Variants in ATP5IF1 observed in about 807,000 individuals in gnomAD.
ATP5IF1 encodes ATPase inhibitor, mitochondrial.
A neutral mutation model predicts 8.5 loss-of-function variants in ATP5IF1; 12 were observed. The ratio of observed to expected loss-of-function variants is 1.41; its 90% confidence interval spans 0.90 to 2.28. ATP5IF1 has a LOEUF of 2.28. ATP5IF1 is among the 30% of genes most tolerant of loss of function. ATP5IF1 has a pLI of 0.00. For missense variants in ATP5IF1, 154 were observed against 140.2 expected (o/e 1.10, Z -0.50); for synonymous variants, 51 against 53.4 (o/e 0.96, Z 0.19).
Position 28,236,164 on chromosome 1 carries a change from G to T in ATP5IF1, c.-20G>T. ...ACTGCTTGCTGCGGCAGAGACGCCAGAGGTGCAGCTCCAGCAGCAATGGCA... is the reference window on the plus strand; with the variant it reads ...ACTGCTTGCTGCGGCAGAGACGCCATAGGTGCAGCTCCAGCAGCAATGGCA... On this transcript the variant is annotated 5_prime_UTR_variant, in exon 1 of 3. Transcript: ENST00000335514. 6.2e-7 allele frequency: 1 copy of T among 1,611,220 alleles called. No homozygotes were observed. The highest frequency in any genetic ancestry group is 8.5e-7 in the Non-Finnish European group (1 of 1,179,856).
At chr1:28,237,500 T>C in intron 2 of ATP5IF1, 1 of 1,353,562 alleles carries the variant, frequency 7.4e-7, no homozygotes, top group Non-Finnish European at 9.5e-7. Flanking sequence ...CCTTTGTCTG[T>C]CTTCCTCATT....
intron 2 of ATP5IF1, 199 bp from the exon 3 acceptor site, chr1:28,237,638 T>G: frequency 6.7e-7 from 1 of 1,498,072 alleles, no homozygotes; most frequent in Admixed American, 2.5e-5. Flanking sequence ...AGCAATAAGC[T>G]CTTTGGTCTT....
Position 28,238,078 on chromosome 1 carries a change from T to C in ATP5IF1, c.*100T>C. 1 of 1,219,280 alleles carries C rather than the reference T, an allele frequency of 8.2e-7. No individual in the cohort carries two copies. Among genetic ancestry groups the C allele is most frequent in the Non-Finnish European group, 1.1e-6 (1 of 881,374 alleles). 75.5% of individuals were successfully genotyped at this position (1,219,280 alleles called of 1,614,324 possible). Reference sequence around the variant, plus strand: ...ATTTGTCTGTGTGCTACTAACAGATTATAATAAATTGTCATCAGTGAACTG... The same window carrying C: ...ATTTGTCTGTGTGCTACTAACAGATCATAATAAATTGTCATCAGTGAACTG... On this transcript the variant is annotated 3_prime_UTR_variant, in exon 3 of 3. Transcript: ENST00000335514.
chr1:28,236,159 C>T lies in ATP5IF1; in HGVS notation c.-25C>T, dbSNP rs763848402. ...GAGAGACTGCTTGCTGCGGCAGAGA[C>T]GCCAGAGGTGCAGCTCCAGCAGCAA... On this transcript the variant is annotated 5_prime_UTR_variant, in exon 1 of 3. The change creates a new upstream start codon in the 5' untranslated region. Transcript: ENST00000335514. The T allele has an allele frequency of 4.3e-6, 7 of 1,610,164 alleles. No individual in the cohort carries two copies. The highest frequency in any genetic ancestry group is 2.2e-5 in the East Asian group (1 of 44,882).
chr1:28,236,496 GGCCT>G, intron 2 of ATP5IF1, 44 bp downstream of exon 2: 1 of 1,613,626 alleles, frequency 6.2e-7, no homozygotes, highest in South Asian at 1.1e-5. Flanking sequence ...ATCTCCCAAT[GGCCT>G]TCCAATCCTT....
chr1:28,236,392 T>C lies in ATP5IF1; in HGVS notation c.119T>C (p.Ile40Thr), dbSNP rs773823533. The change falls in exon 2 of 3, where the codon ATC (isoleucine) becomes ACC (threonine). Residue 40 changes from isoleucine (I) to threonine (T), a missense_variant. Ile to Thr is a moderately conservative substitution (Grantham distance 89, BLOSUM62 -1). Coordinates refer to ENST00000335514, the MANE Select transcript of ATP5IF1 (RefSeq NM_016311.5). ...AATGTCGACCGGGGCGCGGGCTCCA[T>C]CCGGGAAGCCGGTGGGGCCTTCGGA... ...SENVDRGAGSIREAGGAFGKR... is the reference protein window; with the variant it reads ...SENVDRGAGSTREAGGAFGKR... 2 of 1,614,188 alleles carry C rather than the reference T, an allele frequency of 1.2e-6. No homozygotes were observed. The highest frequency in any genetic ancestry group is 1.7e-6 in the Non-Finnish European group (2 of 1,180,030).
At chr1:28,237,153 A>G in intron 2 of ATP5IF1, 2 of 992,262 alleles carry the variant, frequency 2.0e-6, no homozygotes, top group African/African-American at 1.7e-5. Context: ...GCAGTGAGGA[A>G]TTAATCTTGC....
rs1031483726 is a variant in ATP5IF1, at chr1:28,236,172, G to A, written c.-12G>A. ...CTGCGGCAGAGACGCCAGAGGTGCA[G>A]CTCCAGCAGCAATGGCAGTGACGGC... On this transcript the variant is annotated 5_prime_UTR_variant, in exon 1 of 3. Transcript: ENST00000335514. 6.2e-7 allele frequency: 1 copy of A among 1,612,014 alleles called. No homozygotes were observed. The highest frequency in any genetic ancestry group is 8.5e-7 in the Non-Finnish European group (1 of 1,179,924).
intron 1 of ATP5IF1, 27 bp from the exon 2 acceptor site, chr1:28,236,334 T>C (rs1205327064): frequency 6.2e-7 from 1 of 1,614,152 alleles, no homozygotes. Context: ...CTTCCGTACC[T>C]TTACCAGTGT....
chr1:28,237,682 T>A, intron 2 of ATP5IF1, 155 bp from the exon 3 acceptor site: 1 of 1,581,816 alleles, frequency 6.3e-7, no homozygotes, highest in Non-Finnish European at 8.6e-7. Flanking sequence ...TAAGATGGGG[T>A]ATTCTTTCAC....
In ATP5IF1 at chr1:28,237,489, C is replaced by G. The variant is rs541425565; in HGVS notation, c.180-348C>G. ...ATGGATATTTGCCTTTTAGCTACACCCCTTTGTCTGTCTTCCTCATTTTGT... is the reference window on the plus strand; with the variant it reads ...ATGGATATTTGCCTTTTAGCTACACGCCTTTGTCTGTCTTCCTCATTTTGT... On this transcript the variant is annotated intron_variant, in intron 2 of 2. Coordinates refer to ENST00000335514, the MANE Select transcript of ATP5IF1 (RefSeq NM_016311.5). The G allele has an allele frequency of 6.7e-5, 89 of 1,325,708 alleles. No individual in the cohort carries two copies. In the African/African-American group the frequency reaches 1.1e-3, roughly 17 times the overall value. The allele number at this position is 1,325,708 out of a possible 1,614,324, so 82.1% of individuals were successfully genotyped here.
chr1:28,237,835 A>G lies in ATP5IF1; in HGVS notation c.180-2A>G. ...AAACCCTGAGCCACCGTGTCCTTGT[A>G]GAGCACAGAGTAGAGAACAACTGGC... is the stretch of plus-strand genomic sequence containing the variant. On this transcript the variant is annotated splice_acceptor_variant, in intron 2 of 2. Coordinates refer to ENST00000335514, the MANE Select transcript of ATP5IF1 (RefSeq NM_016311.5). LOFTEE classifies it high-confidence loss of function. The G allele has an allele frequency of 6.2e-7, 1 of 1,614,206 alleles. No individual in the cohort carries two copies. Among genetic ancestry groups the G allele is most frequent in the Non-Finnish European group, 8.5e-7 (1 of 1,180,048 alleles).
rs776903465 is a variant in ATP5IF1, at chr1:28,237,963, A to G, written c.306A>G (p.Leu102=). The change falls in exon 3 of 3, where the codon CTA becomes CTG. Residue 102 remains leucine, a synonymous_variant. Transcript: ENST00000335514. ...GCCATAAGCAGAAGATCAAAATGCT[A>G]AAACATGATGATTAAGTGCACACCG... is the stretch of plus-strand genomic sequence containing the variant. ...IERHKQKIKM[L]KHDD is the part of the protein sequence containing the mutation. The G allele has an allele frequency of 6.2e-7, 1 of 1,611,722 alleles. No individual in the cohort carries two copies. The highest frequency in any genetic ancestry group is 8.5e-7 in the Non-Finnish European group (1 of 1,179,934).
In ATP5IF1 at chr1:28,236,349, GTC is replaced by G. The variant is rs1186795474; in HGVS notation, c.88-6_88-5del. The stretch of plus-strand genomic sequence containing the variant: ...CTTCCGTACCTTTACCAGTGTCCCT[GTC>G]TCTCTGCAGTCCGAGAATGTCGACC... On this transcript the variant is annotated splice_polypyrimidine_tract_variant and intron_variant, in intron 1 of 2. Coordinates refer to ENST00000335514, the MANE Select transcript of ATP5IF1 (RefSeq NM_016311.5). The G allele has an allele frequency of 7.4e-6, 12 of 1,614,234 alleles. No homozygotes were observed. The highest frequency in any genetic ancestry group is 1.0e-5 in the Non-Finnish European group (12 of 1,180,038).
intron 2 of ATP5IF1, chr1:28,236,697 A>G (rs1647039952): frequency 1.4e-6 from 2 of 1,422,590 alleles, no homozygotes; most frequent in African/African-American, 2.9e-5. Context: ...CGGGTCTCCA[A>G]AACAACCCAC....
Position 28,237,925 on chromosome 1 carries a change from A to T in ATP5IF1, c.268A>T (p.Lys90Ter), listed in dbSNP as rs983352469. 1.2e-6 allele frequency: 2 copies of T among 1,613,964 alleles called. No individual in the cohort carries two copies. The highest frequency in any genetic ancestry group is 3.3e-5 in the Admixed American group (2 of 60,020). ...TAAGAAGGAGATTGAGCGTCTGCAGAAAGAAATTGAGCGCCATAAGCAGAA... is the reference window on the plus strand; with the variant it reads ...TAAGAAGGAGATTGAGCGTCTGCAGTAAGAAATTGAGCGCCATAAGCAGAA... ...HHKKEIERLQ[K>*]EIERHKQKIK... is the part of the protein sequence containing the mutation. The change falls in exon 3 of 3, where the codon AAA becomes TAA. Residue 90 changes from lysine to a stop codon, truncating the protein, a stop_gained. Transcript: ENST00000335514. LOFTEE classifies it high-confidence loss of function.
In ATP5IF1 at chr1:28,237,929, A is replaced by T; in HGVS notation, c.272A>T (p.Glu91Val). ...AAGGAGATTGAGCGTCTGCAGAAAG[A>T]AATTGAGCGCCATAAGCAGAAGATC... is the stretch of plus-strand genomic sequence containing the variant. The part of the protein sequence containing the change: ...HKKEIERLQK[E>V]IERHKQKIKM... Residue 91 changes from glutamate to valine, a missense_variant, in exon 3 of 3, where the codon GAA becomes GTA. Coordinates refer to ENST00000335514, the MANE Select transcript of ATP5IF1 (RefSeq NM_016311.5). 1.2e-6 allele frequency: 2 copies of T among 1,613,908 alleles called. No individual in the cohort carries two copies. The highest frequency in any genetic ancestry group is 1.7e-6 in the Non-Finnish European group (2 of 1,180,034).
Position 28,236,167 on chromosome 1 carries a change from G to T in ATP5IF1, c.-17G>T, listed in dbSNP as rs757869617. The T allele has an allele frequency of 1.9e-6, 3 of 1,611,520 alleles. No individual in the cohort carries two copies. Among genetic ancestry groups the T allele is most frequent in the Admixed American group, 3.3e-5 (2 of 59,986 alleles). ...GCTTGCTGCGGCAGAGACGCCAGAG[G>T]TGCAGCTCCAGCAGCAATGGCAGTG... On this transcript the variant is annotated 5_prime_UTR_variant, in exon 1 of 3. Transcript: ENST00000335514.
chr1:28,237,158 T>G lies in ATP5IF1; in HGVS notation c.180-679T>G. On this transcript the variant is annotated intron_variant, in intron 2 of 2. Transcript: ENST00000335514. ...ACTCTGGAGAGCAGTGAGGAATTAA[T>G]CTTGCTTTTGCTTGTCCTTTGGCCT... The G allele has an allele frequency of 9.1e-6, 9 of 992,024 alleles. 1 individual carries two copies. In the South Asian group the frequency reaches 4.1e-4, roughly 45 times the overall value. 61.5% of individuals were successfully genotyped at this position (992,024 alleles called of 1,614,324 possible). A position where few individuals can be genotyped will look rare whatever the true frequency, so the allele number is the denominator to read the frequency against.
Sources: allele counts gnomAD v4.1 joint callset, GRCh38; gene constraint gnomAD v4.1.1; transcripts MANE v1.5; gene names NCBI Gene and HGNC (gene_info 2026-07-23, HGNC 2026-07-21).